The following ZNF813 variants were observed in gnomAD, a reference collection of about 807,000 sequenced individuals.
ZNF813 encodes the protein zinc finger protein 813.
A neutral mutation model predicts 7.2 loss-of-function variants in ZNF813; 3 were observed. The observed-to-expected ratio is 0.42, with a 90% CI of 0.19 to 1.08. The LOEUF (loss-of-function observed/expected upper bound fraction) is 1.08. Ranked by LOEUF, ZNF813 falls within the 50% of genes least tolerant of loss-of-function variation. The probability of loss-of-function intolerance (pLI) is 0.30; values close to 1 mark genes in which losing one functional copy is unlikely to be tolerated. For missense variants in ZNF813, 714 were observed against 753.3 expected (o/e 0.95, Z 0.61); for synonymous variants, 227 against 256.3 (o/e 0.89, Z 1.09).
chr19:53,486,184 G>A (rs1262554982), intron 2 of ZNF813, among the ~76,000 whole-genome samples: 5 of 152,078 alleles, frequency 3.3e-5, no homozygotes, highest in African/African-American at 4.8e-5. Context: ...TGGGCCGGGC[G>A]CGGTGGATCA....
At chr19:53,484,682 A>T (rs2086424360) in intron 2 of ZNF813, among the ~76,000 whole-genome samples, 1 of 152,182 alleles carries the variant, frequency 6.6e-6, no homozygotes, top group Non-Finnish European at 1.5e-5. Context: ...CTCCTGCCTC[A>T]GCCTCCCAAG....
chr19:53,494,656 A>T lies in ZNF813; in HGVS notation c.*2570A>T, dbSNP rs75249456. ...GAAACTCTGTCTCAAAAAAAAAAAA[A>T]AGAAAAGAAAAGAAAAGAGACTCTA... On this transcript the variant is annotated 3_prime_UTR_variant, in exon 4 of 4. Coordinates refer to ENST00000396403, the MANE Select transcript of ZNF813 (RefSeq NM_001004301.4). 2.3e-5 allele frequency: 2 copies of T among 85,446 alleles called. No homozygotes were observed. Among genetic ancestry groups the T allele is most frequent in the East Asian group, 5.9e-4 (2 of 3,394 alleles). The allele number at this position is 85,446 out of a possible 1,614,324, so 5.3% of individuals were successfully genotyped here.
intron 1 of ZNF813, among the ~76,000 whole-genome samples, chr19:53,481,740 C>A (rs1012370076): frequency 2.0e-5 from 3 of 152,136 alleles, no homozygotes; most frequent in Admixed American, 2.0e-4. Context: ...GCTGTGTGTT[C>A]ACACTTCTGT....
rs75083710 is a variant in ZNF813, at chr19:53,475,635, C to T, written c.-74+7846C>T. ...GTTATGACTCAGTGTGGCACCCAGA[C>T]GGTTAGTTGCTGTCCTAGAGTTAAT... On this transcript the variant is annotated intron_variant, in intron 1 of 3. Transcript: ENST00000396403. Among the ~76,000 whole-genome samples, 1,154 of 152,294 alleles carry T rather than the reference C, an allele frequency of 7.6e-3. 5 individuals carry two copies. Among genetic ancestry groups the T allele is most frequent in the Non-Finnish European group, 0.011 (747 of 68,028 alleles).
intron 1 of ZNF813, among the ~76,000 whole-genome samples, chr19:53,481,349 T>C (rs1200522072): frequency 2.1e-5 from 3 of 144,224 alleles, no homozygotes; most frequent in Admixed American, 2.1e-4. Context: ...GTATTCTTTT[T>C]TTTTTTTTTT....
chr19:53,470,972 T>G (rs1284922154), intron 1 of ZNF813, among the ~76,000 whole-genome samples: 10 of 152,172 alleles, frequency 6.6e-5, no homozygotes, highest in Admixed American at 4.6e-4. Flanking sequence ...CGGTTAAGCA[T>G]GTAAATTGGG....
At chr19:53,476,965 G>A (rs1359631178) in intron 1 of ZNF813, among the ~76,000 whole-genome samples, 2 of 152,176 alleles carry the variant, frequency 1.3e-5, no homozygotes, top group African/African-American at 2.4e-5. Context: ...CCTGGCTGTG[G>A]GAGAGTTTTT....
intron 1 of ZNF813, among the ~76,000 whole-genome samples, chr19:53,478,273 G>T (rs927094733): frequency 2.6e-5 from 4 of 152,092 alleles, no homozygotes; most frequent in Non-Finnish European, 5.9e-5. Flanking sequence ...GGGCTTAAGC[G>T]ATCCTCCTAC....
intron 3 of ZNF813, chr19:53,488,107 C>A (rs1568431713): frequency 2.7e-6 from 1 of 364,494 alleles, no homozygotes; most frequent in Non-Finnish European, 5.5e-6. Flanking sequence ...TCACTCCAAC[C>A]TCCAACTCCC....
At chr19:53,482,944 A>G (rs115576840) in intron 1 of ZNF813, among the ~76,000 whole-genome samples, 6,254 of 150,478 alleles carry the variant, frequency 0.042, 152 homozygotes, top group African/African-American at 0.052. Flanking sequence ...TTTGAGTCTC[A>G]CATTGTCACC....
At chr19:53,468,425 TAGAG>T (rs999962202) in intron 1 of ZNF813, among the ~76,000 whole-genome samples, 5 of 151,826 alleles carry the variant, frequency 3.3e-5, no homozygotes, top group Non-Finnish European at 7.4e-5. Context: ...AGACAAAGTA[TAGAG>T]AAAGGACAGT....
intron 3 of ZNF813, among the ~76,000 whole-genome samples, chr19:53,487,509 A>G (rs1375016481): frequency 2.0e-5 from 3 of 152,046 alleles, no homozygotes; most frequent in Non-Finnish European, 4.4e-5. Flanking sequence ...CTCCAGCTCA[A>G]CCGATCCTTG....
chr19:53,481,050 A>G (rs1353980928), intron 1 of ZNF813, among the ~76,000 whole-genome samples: 3 of 152,212 alleles, frequency 2.0e-5, no homozygotes, highest in Non-Finnish European at 4.4e-5. Context: ...TGGTGCATCA[A>G]GCACATGATC....
rs544770684 is a variant in ZNF813, at chr19:53,477,078, G to A, written c.-73-6672G>A. On this transcript the variant is annotated intron_variant, in intron 1 of 3. Transcript: ENST00000396403. ...TGGTGCCAGACAGATATAAAAGAAA[G>A]CATCCTTTAAGTTTAAGACTGTAAA... 5.3e-5 allele frequency among the ~76,000 whole-genome samples: 8 copies of A among 152,262 alleles called. No individual in the cohort carries two copies. In the South Asian group the frequency reaches 1.7e-3, roughly 32 times the overall value.
intron 1 of ZNF813, chr19:53,479,780 T>G: frequency 4.8e-6 from 6 of 1,260,534 alleles, no homozygotes; most frequent in African/African-American, 1.5e-5. Context: ...CACAGAAGAA[T>G]GAGCTGAGCT....
At chr19:53,488,359 A>G (rs1421358339) in intron 3 of ZNF813, 3 of 376,620 alleles carry the variant, frequency 8.0e-6, no homozygotes, top group Non-Finnish European at 1.6e-5. Flanking sequence ...GGAGAACTTT[A>G]TATATATTTG....
chr19:53,485,407 C>T (rs141648070), intron 2 of ZNF813, among the ~76,000 whole-genome samples: 1 of 152,300 alleles, frequency 6.6e-6, no homozygotes, highest in African/African-American at 2.4e-5. Flanking sequence ...CACACATATA[C>T]ATCTCCATAC....
At chr19:53,475,554 G>A (rs1467784917) in intron 1 of ZNF813, among the ~76,000 whole-genome samples, 1 of 152,280 alleles carries the variant, frequency 6.6e-6, no homozygotes, top group Non-Finnish European at 1.5e-5. Context: ...AGAAGCCCTT[G>A]GTACTGAGTC....
At position 53,490,638 on chromosome 19, in the gene ZNF813, A is replaced by G; in HGVS notation, c.406A>G (p.Ile136Val). Residue 136 changes from isoleucine (I) to valine (V), a missense_variant, in exon 4 of 4, where the codon ATT becomes GTT. Physicochemically the swap from Ile to Val is conservative, Grantham distance 29. This residue lies in a region of ZNF813 where 563 missense variants were observed against 554.2 expected (regional missense o/e 1.02). Coordinates refer to ENST00000396403, the MANE Select transcript of ZNF813 (RefSeq NM_001004301.4). ...TCAAAGGCATGCTGGAAACAAGCCT[A>G]TTAAAGATCAGCTTGGATCAAGCTT... ...YDQRHAGNKP[I>V]KDQLGSSFHS... is the part of the protein sequence containing the mutation. The G allele has an allele frequency of 2.5e-6, 4 of 1,614,234 alleles. No individual in the cohort carries two copies. Among genetic ancestry groups the G allele is most frequent in the East Asian group, 2.2e-5 (1 of 44,880 alleles).
Sources: gnomAD v4.1 joint callset for allele counts (sites outside exome capture counted in the v4.1 genomes callset) on GRCh38, gnomAD v4.1.1 for gene constraint, gnomAD v4.1.1 regional missense constraint, MANE v1.5 for transcripts, NCBI Gene and HGNC (gene_info 2026-07-23, HGNC 2026-07-21) for gene names.